Variants in TLN2 observed in about 807,000 individuals in gnomAD.
TLN2 encodes the protein talin 2, also known as talin-2.
TLN2 carries 118 observed loss-of-function variants against 294.7 expected under a neutral mutation model. That is an observed-to-expected ratio of 0.40 (90% confidence interval 0.34 to 0.47). The LOEUF (loss-of-function observed/expected upper bound fraction) is 0.47. TLN2 is among the 20% of genes least tolerant of loss of function. TLN2 has a pLI of 0.84. For missense variants in TLN2, 3,083 were observed against 3,282.2 expected, an observed-to-expected ratio of 0.94 and a Z score of 1.48; for synonymous variants, 1,431 against 1,304.5, an observed-to-expected ratio of 1.10 and a Z score of -2.09.
chr15:62,824,744 T>TGTACC (rs2067887031), intron 54 of TLN2, among the ~76,000 whole-genome samples: 1 of 152,198 alleles, frequency 6.6e-6, no homozygotes, highest in South Asian at 2.1e-4. Flanking sequence ...GATTATGATA[T>TGTACC]AGAAAACATT....
chr15:62,799,120 AG>A, intron 48 of TLN2, among the ~76,000 whole-genome samples: 1 of 152,302 alleles, frequency 6.6e-6, no homozygotes, highest in East Asian at 1.9e-4. Context: ...GAGGACCCAG[AG>A]CCACGCACAC....
At chr15:62,534,789 C>T (rs555878417) in intron 1 of TLN2, among the ~76,000 whole-genome samples, 2 of 152,184 alleles carry the variant, frequency 1.3e-5, no homozygotes, top group Admixed American at 6.5e-5. Context: ...GGCACTCTTA[C>T]CACTCTGGAG....
chr15:62,827,189 G>A (rs899398864), intron 54 of TLN2, among the ~76,000 whole-genome samples: 2 of 152,122 alleles, frequency 1.3e-5, no homozygotes, highest in Non-Finnish European at 2.9e-5. Flanking sequence ...CATAAGAAAA[G>A]GCCAAGAAAA....
At chr15:62,740,160 G>T (rs1003791916) in intron 31 of TLN2, among the ~76,000 whole-genome samples, 1 of 151,502 alleles carries the variant, frequency 6.6e-6, no homozygotes, top group South Asian at 2.1e-4. Flanking sequence ...GGTGAGAAAT[G>T]TGTGCTTTCC....
intron 1 of TLN2, among the ~76,000 whole-genome samples, chr15:62,450,793 A>C (rs895965648): frequency 1.3e-5 from 2 of 151,370 alleles, no homozygotes; most frequent in African/African-American, 4.9e-5. Context: ...CTGGTCTCGA[A>C]CTCCTGGGCT....
At chr15:62,520,726 ATTAC>A (rs1182698241) in intron 1 of TLN2, among the ~76,000 whole-genome samples, 1 of 152,216 alleles carries the variant, frequency 6.6e-6, no homozygotes, top group East Asian at 1.9e-4. Flanking sequence ...GAGGTCCAGT[ATTAC>A]TTACTTAATA....
At chr15:62,716,133 T>TA (rs2059756542) in intron 22 of TLN2, among the ~76,000 whole-genome samples, 198 bp from the exon 23 acceptor site, 1 of 152,250 alleles carries the variant, frequency 6.6e-6, no homozygotes, top group Non-Finnish European at 1.5e-5. Context: ...TCTAACTGCT[T>TA]AGCTATGCAA....
At chr15:62,524,081 G>T (rs955117640) in intron 1 of TLN2, among the ~76,000 whole-genome samples, 2 of 152,204 alleles carry the variant, frequency 1.3e-5, no homozygotes, top group East Asian at 3.8e-4. Flanking sequence ...TTCCCAGTTA[G>T]GCATTTTGTA....
rs1434743251 is a variant in TLN2, at chr15:62,783,719, CTCTGTGTG to C, written c.5617-50_5617-43del. The C allele has an allele frequency of 6.2e-3, 8,581 of 1,383,990 alleles. 9 individuals carry two copies. Among genetic ancestry groups the C allele is most frequent in the South Asian group, 0.021 (1,506 of 71,694 alleles). The allele number at this position is 1,383,990 out of a possible 1,614,324, so 85.7% of individuals were successfully genotyped here. A position where few individuals can be genotyped will look rare whatever the true frequency, so the allele number is the denominator to read the frequency against. On this transcript the variant is annotated intron_variant, in intron 44 of 58. Coordinates refer to ENST00000636159, the MANE Select transcript of TLN2 (RefSeq NM_015059.3). Reference sequence around the variant, plus strand: ...TAACACATGGTTCTCATGCGTTTCTCTCTGTGTGTGTGTGTGTGTGTGTGTGTGTCTTG... The same window carrying C: ...TAACACATGGTTCTCATGCGTTTCTCTGTGTGTGTGTGTGTGTGTGTCTTG...
intron 45 of TLN2, among the ~76,000 whole-genome samples, chr15:62,786,539 C>T (rs755182289): frequency 3.9e-5 from 6 of 152,162 alleles, no homozygotes; most frequent in Non-Finnish European, 7.3e-5. Context: ...ACTCGAGATC[C>T]TATGAGCCAC....
chr15:62,509,284 G>GT (rs11336709), intron 1 of TLN2, among the ~76,000 whole-genome samples: 49 of 151,954 alleles, frequency 3.2e-4, no homozygotes, highest in Middle Eastern at 6.8e-3. Context: ...TGTTTGTTTT[G>GT]TTTTTTTTGA....
chr15:62,544,555 A>G (rs2041881819), intron 1 of TLN2, among the ~76,000 whole-genome samples: 1 of 152,148 alleles, frequency 6.6e-6, no homozygotes, highest in African/African-American at 2.4e-5. Context: ...CAGATTCCAT[A>G]GTCTTTTAAA....
chr15:62,394,242 G>C (rs2032338555), intron 1 of TLN2, among the ~76,000 whole-genome samples: 1 of 152,156 alleles, frequency 6.6e-6, no homozygotes, highest in South Asian at 2.1e-4. Flanking sequence ...TGTGTGGCAT[G>C]TCCAGACTCT....
intron 1 of TLN2, among the ~76,000 whole-genome samples, chr15:62,449,531 T>TA (rs1253594694): frequency 6.6e-6 from 1 of 152,062 alleles, no homozygotes; most frequent in African/African-American, 2.4e-5. Context: ...AATTCTCCTT[T>TA]AAAAACAGGC....
intron 1 of TLN2, among the ~76,000 whole-genome samples, chr15:62,400,173 G>A (rs185713279): frequency 1.5e-3 from 225 of 152,246 alleles, no homozygotes; most frequent in African/African-American, 5.1e-3. Flanking sequence ...CTCTCCTGCC[G>A]CCATGTGAAG....
chr15:62,634,627 A>G (rs1159766606), intron 3 of TLN2, among the ~76,000 whole-genome samples: 1 of 152,266 alleles, frequency 6.6e-6, no homozygotes, highest in East Asian at 1.9e-4. Flanking sequence ...GTTTGAAAAT[A>G]CAAATCTTAT....
At chr15:62,839,051 A>G in intron 58 of TLN2, 70 bp downstream of exon 58, 7 of 1,553,576 alleles carry the variant, frequency 4.5e-6, no homozygotes, top group African/African-American at 4.1e-5. Flanking sequence ...AGACAAAAGA[A>G]TAGTGACTTC....
intron 32 of TLN2, among the ~76,000 whole-genome samples, chr15:62,742,129 T>G (rs2061374493): frequency 6.6e-6 from 1 of 151,038 alleles, no homozygotes; most frequent in African/African-American, 2.4e-5. Context: ...GTTTCTTCAT[T>G]TATTCCTGGA....
intron 34 of TLN2, among the ~76,000 whole-genome samples, chr15:62,750,708 C>G (rs1051692517): frequency 1.4e-4 from 21 of 152,148 alleles, no homozygotes; most frequent in Admixed American, 7.9e-4. Flanking sequence ...TTGCCTACCC[C>G]CAAGTTTCTG....
Sources: gnomAD v4.1 joint callset for allele counts (sites outside exome capture counted in the v4.1 genomes callset) on GRCh38, gnomAD v4.1.1 for gene constraint, MANE v1.5 for transcripts, NCBI Gene and HGNC (gene_info 2026-07-23, HGNC 2026-07-21) for gene names.